The following RNF157 variants were observed in gnomAD, a reference collection of about 807,000 sequenced individuals.
RNF157 encodes E3 ubiquitin ligase RNF157.
Under a neutral mutation model 88.3 loss-of-function variants are expected in RNF157, and 55 were observed. The ratio of observed to expected loss-of-function variants is 0.62; its 90% confidence interval spans 0.50 to 0.78. The LOEUF is 0.78. RNF157 is among the 30% of genes least tolerant of loss of function. RNF157 has a pLI of 0.00. For synonymous variants in RNF157, 334 were observed against 341.2 expected, an observed-to-expected ratio of 0.98 and a Z score of 0.23; for missense variants, 788 against 860.8, an observed-to-expected ratio of 0.92 and a Z score of 1.06.
chr17:76,198,910 T>C (rs2069523439), intron 2 of RNF157, among the ~76,000 whole-genome samples: 1 of 152,230 alleles, frequency 6.6e-6, no homozygotes, highest in South Asian at 2.1e-4. Flanking sequence ...TCACCTGCAG[T>C]GCACACACCG....
In RNF157 at chr17:76,161,883, C is replaced by T. The variant is rs773393669; in HGVS notation, c.912G>A (p.Thr304=). 7.4e-6 allele frequency: 12 copies of T among 1,614,210 alleles called. No individual in the cohort carries two copies. The highest frequency in any genetic ancestry group is 4.4e-5 in the South Asian group (4 of 91,088). ...GGCAGTTGTTGGCCTGGTAGCGCAG[C>T]GTGTCTGCACAGGTGTTACAGAGGC... is the stretch of plus-strand genomic sequence containing the variant. ...HLCLCNTCAD[T]LRYQANNCPI... Residue 304 remains threonine (T), a synonymous_variant, in exon 10 of 19, where the codon ACG becomes ACA. Transcript: ENST00000269391. The surrounding 1 kb of genome is among the most constrained non-coding windows in gnomAD (Gnocchi z 4.6).
intron 2 of RNF157, among the ~76,000 whole-genome samples, chr17:76,182,842 A>T (rs2069219311): frequency 1.1e-5 from 1 of 89,330 alleles, no homozygotes; most frequent in South Asian, 3.5e-4. Context: ...TATATGATAT[A>T]TAGGATATAT....
chr17:76,175,770 G>A lies in RNF157; in HGVS notation c.208-1980C>T, dbSNP rs922127937. On this transcript the variant is annotated intron_variant, in intron 2 of 18. Coordinates refer to ENST00000269391, the MANE Select transcript of RNF157 (RefSeq NM_052916.3). ...TACCTGCATTTCAAAAAAAAGATGC[G>A]TCTTTTCCCTTATTCTTTACTCTTT... The A allele has an allele frequency of 1.0e-4, 102 of 984,896 alleles. No homozygotes were observed. The South Asian group carries it at 1.1e-3, about 11-fold the overall frequency. 61.0% of individuals were successfully genotyped at this position (984,896 alleles called of 1,614,324 possible). A position where few individuals can be genotyped will look rare whatever the true frequency, so the allele number is the denominator to read the frequency against.
chr17:76,177,954 C>T (rs952729828), intron 2 of RNF157, among the ~76,000 whole-genome samples: 1 of 152,226 alleles, frequency 6.6e-6, no homozygotes, highest in African/African-American at 2.4e-5. Flanking sequence ...TCAGGACACC[C>T]TGGCTGCGGA....
chr17:76,152,798 C>T (rs1003443964), intron 17 of RNF157, among the ~76,000 whole-genome samples: 19 of 152,178 alleles, frequency 1.2e-4, no homozygotes, highest in Non-Finnish European at 2.2e-4. Flanking sequence ...GAGGCTGCGA[C>T]CAACCAGCAG....
In RNF157 at chr17:76,152,438, A is replaced by G; in HGVS notation, c.1838T>C (p.Met613Thr). 1 of 1,613,336 alleles carries G rather than the reference A, an allele frequency of 6.2e-7. No homozygotes were observed. The highest frequency in any genetic ancestry group is 8.5e-7 in the Non-Finnish European group (1 of 1,179,248). The change falls in exon 18 of 19, where the codon ATG becomes ACG. Residue 613 changes from methionine (M) to threonine (T), a missense_variant. Physicochemically the swap from Met to Thr is moderately conservative, Grantham distance 81. Transcript: ENST00000269391. The stretch of plus-strand genomic sequence containing the variant: ...AAAGTCATTGTTATTGTCACACTCC[A>G]TACCTAGAAATGCGCACGTCCTCTG... ...EGQRTCAFLG[M>T]ECDNNNDFDI...
chr17:76,230,864 GAGAGAGAGAGAGAGAAAGAGAA>G lies in RNF157; in HGVS notation c.88+9267_88+9288del, dbSNP rs1393408625. Among the ~76,000 whole-genome samples the G allele has an allele frequency of 3.7e-4, 38 of 103,752 alleles. No homozygotes were observed. In the South Asian group the frequency reaches 9.8e-3, roughly 27 times the overall value. The allele number at this position is 103,752 out of a possible 152,430, so 68.1% of individuals were successfully genotyped here. On this transcript the variant is annotated intron_variant, in intron 1 of 18. Coordinates refer to ENST00000269391, the MANE Select transcript of RNF157 (RefSeq NM_052916.3). ...AAAAAAAAAAAAAAAAAAAAAGAGA[GAGAGAGAGAGAGAGAAAGAGAA>G]AGAGAGAAAGAGAGAGAGAGAGACT...
chr17:76,213,903 T>A (rs555976296), intron 1 of RNF157, among the ~76,000 whole-genome samples: 15 of 152,330 alleles, frequency 9.8e-5, no homozygotes, highest in African/African-American at 3.6e-4. Context: ...GAGGGTAACA[T>A]GCCCAGAGAC....
At chr17:76,156,577 C>T in intron 13 of RNF157, 1 of 964,542 alleles carries the variant, frequency 1.0e-6, no homozygotes, top group Non-Finnish European at 1.2e-6. Flanking sequence ...TGCGGCCATA[C>T]AAAGACTGCA....
chr17:76,226,438 A>G, intron 1 of RNF157: 1 of 1,599,794 alleles, frequency 6.3e-7, no homozygotes, highest in Non-Finnish European at 8.6e-7. Flanking sequence ...CTAGGGGGGC[A>G]AAGAGATTAC....
At chr17:76,166,333 G>C in intron 6 of RNF157, 128 bp downstream of exon 6, 1 of 778,436 alleles carries the variant, frequency 1.3e-6, no homozygotes, top group Non-Finnish European at 2.2e-6. Context: ...AGAGGATGCA[G>C]AGACTGCCTG....
At chr17:76,145,813 G>A (rs1032657616) in intron 18 of RNF157, among the ~76,000 whole-genome samples, 1 of 152,178 alleles carries the variant, frequency 6.6e-6, no homozygotes, top group Non-Finnish European at 1.5e-5. Context: ...TGGGGGCCCA[G>A]GCGGGGCAGG....
intron 2 of RNF157, among the ~76,000 whole-genome samples, chr17:76,209,977 C>G (rs897647264): frequency 1.3e-5 from 2 of 152,090 alleles, no homozygotes; most frequent in African/African-American, 4.8e-5. Context: ...TCAGGATGGT[C>G]TCGATCTCTT....
At chr17:76,226,874 G>T in intron 1 of RNF157, 1 of 1,280,978 alleles carries the variant, frequency 7.8e-7, no homozygotes, top group Non-Finnish European at 1.1e-6. Flanking sequence ...TTACAGCAAT[G>T]CTGCTGCTGA....
At chr17:76,148,345 C>A (rs2068618473) in intron 18 of RNF157, among the ~76,000 whole-genome samples, 1 of 148,784 alleles carries the variant, frequency 6.7e-6, no homozygotes, top group Admixed American at 6.7e-5. Flanking sequence ...CGGCTCACTG[C>A]AAGCTCCGCC....
chr17:76,224,454 T>TAA (rs2070042601), intron 1 of RNF157, among the ~76,000 whole-genome samples: 1 of 152,108 alleles, frequency 6.6e-6, no homozygotes, highest in African/African-American at 2.4e-5. Context: ...TTCATATATT[T>TAA]GAAAAAATCT....
chr17:76,226,568 G>A, intron 1 of RNF157: 2 of 1,613,614 alleles, frequency 1.2e-6, no homozygotes, highest in Non-Finnish European at 1.7e-6. Context: ...ATGTGTCCCA[G>A]AGAAGGCATC....
chr17:76,198,715 C>A (rs761268287), intron 2 of RNF157, among the ~76,000 whole-genome samples: 1 of 152,198 alleles, frequency 6.6e-6, no homozygotes, highest in African/African-American at 2.4e-5. Flanking sequence ...TCTGAGAGAT[C>A]TTTTAAAATG....
intron 1 of RNF157, among the ~76,000 whole-genome samples, chr17:76,228,781 C>T (rs1301340243): frequency 6.6e-6 from 1 of 152,018 alleles, no homozygotes; most frequent in South Asian, 2.1e-4. Flanking sequence ...CTTAGCCGGG[C>T]GTGGTGGTGG....
Sources: allele counts gnomAD v4.1 joint callset (sites outside exome capture counted in the v4.1 genomes callset), GRCh38; gene constraint gnomAD v4.1.1; non-coding constraint Gnocchi (gnomAD v3.1); transcripts MANE v1.5; gene names NCBI Gene and HGNC (gene_info 2026-07-23, HGNC 2026-07-21).